PCDH9: variants seen among roughly 807,000 people sequenced by gnomAD.
PCDH9 encodes protocadherin-9.
Under a neutral mutation model 70.6 loss-of-function variants are expected in PCDH9, and 24 were observed. The ratio of observed to expected loss-of-function variants is 0.34; its 90% CI spans 0.25 to 0.48. PCDH9 has a LOEUF of 0.48. PCDH9 is among the 20% of genes least tolerant of loss of function. The pLI is 0.99. For missense variants in PCDH9, 1,281 were observed against 1,503.6 expected (o/e 0.85, Z 2.45); for synonymous variants, 562 against 558.5 (o/e 1.01, Z -0.09).
intron 3 of PCDH9, among the ~76,000 whole-genome samples, chr13:66,765,971 A>G (rs1439417098): frequency 6.6e-6 from 1 of 152,034 alleles, no homozygotes; most frequent in African/African-American, 2.4e-5. Flanking sequence ...TAAAAACATG[A>G]TATGTATTAT....
intron 2 of PCDH9, among the ~76,000 whole-genome samples, chr13:66,935,418 A>T (rs1253869212): frequency 1.3e-5 from 2 of 152,180 alleles, no homozygotes; most frequent in African/African-American, 2.4e-5. Flanking sequence ...GTTGGTACTG[A>T]GTTTAACGCA....
intron 4 of PCDH9, among the ~76,000 whole-genome samples, chr13:66,399,992 G>C (rs1957161050): frequency 6.6e-6 from 1 of 152,076 alleles, no homozygotes. Flanking sequence ...AGAAATCCAG[G>C]CTTCATGAAG....
intron 3 of PCDH9, among the ~76,000 whole-genome samples, chr13:66,887,229 T>C (rs1349424805): frequency 1.3e-5 from 2 of 152,086 alleles, no homozygotes; most frequent in East Asian, 3.9e-4. Flanking sequence ...AGTCTCCCAA[T>C]AAAGCTGAGC....
chr13:67,011,363 A>G (rs570119829), intron 2 of PCDH9, among the ~76,000 whole-genome samples: 3 of 151,928 alleles, frequency 2.0e-5, no homozygotes, highest in Non-Finnish European at 4.4e-5. Flanking sequence ...GCATTTTACC[A>G]ACTGCATATC....
intron 4 of PCDH9, among the ~76,000 whole-genome samples, chr13:66,537,413 T>C (rs1312483918): frequency 2.0e-5 from 3 of 152,052 alleles, no homozygotes; most frequent in Admixed American, 2.0e-4. Flanking sequence ...GTGAAAGAAA[T>C]AAGATCAGTT....
intron 4 of PCDH9, among the ~76,000 whole-genome samples, chr13:66,420,780 C>T (rs1235671019): frequency 2.0e-5 from 3 of 151,998 alleles, no homozygotes; most frequent in Non-Finnish European, 4.4e-5. Context: ...TCCTCTCCTC[C>T]AAAGGATCAC....
At chr13:66,987,228 C>T (rs1418631323) in intron 2 of PCDH9, among the ~76,000 whole-genome samples, 1 of 151,858 alleles carries the variant, frequency 6.6e-6, no homozygotes, top group Non-Finnish European at 1.5e-5. Flanking sequence ...TTTTGAGCTT[C>T]TTGGAAGCAT....
At chr13:66,917,953 G>A (rs1238445405) in intron 2 of PCDH9, among the ~76,000 whole-genome samples, 1 of 151,206 alleles carries the variant, frequency 6.6e-6, no homozygotes, top group Admixed American at 6.6e-5. Flanking sequence ...TATGTCTTAG[G>A]TGTCCAGAAA....
chr13:67,102,678 A>T (rs2086459237), intron 2 of PCDH9, among the ~76,000 whole-genome samples: 1 of 152,208 alleles, frequency 6.6e-6, no homozygotes, highest in Admixed American at 6.5e-5. Context: ...AAGTTTAAAT[A>T]ATCAGGAATG....
intron 2 of PCDH9, among the ~76,000 whole-genome samples, chr13:67,019,732 G>A (rs1372271787): frequency 6.6e-6 from 1 of 152,128 alleles, no homozygotes; most frequent in Non-Finnish European, 1.5e-5. Flanking sequence ...GGAAACTTCA[G>A]AGCTGACAGG....
At chr13:66,747,952 A>G (rs1479545041) in intron 3 of PCDH9, among the ~76,000 whole-genome samples, 1 of 152,174 alleles carries the variant, frequency 6.6e-6, no homozygotes, top group Non-Finnish European at 1.5e-5. Flanking sequence ...GAACTTTTCA[A>G]TGTAGTTCAG....
intron 3 of PCDH9, among the ~76,000 whole-genome samples, chr13:66,893,721 A>T (rs1316686025): frequency 1.3e-5 from 2 of 152,150 alleles, no homozygotes; most frequent in Non-Finnish European, 2.9e-5. Context: ...AACTGAAATA[A>T]TATTTAACTA....
At chr13:67,101,948 A>G (rs2086444100) in intron 2 of PCDH9, among the ~76,000 whole-genome samples, 2 of 152,102 alleles carry the variant, frequency 1.3e-5, no homozygotes, top group African/African-American at 4.8e-5. Context: ...AAATTTCTAA[A>G]TCTCCCCAGT....
chr13:66,588,505 T>C (rs1188881956), intron 4 of PCDH9, among the ~76,000 whole-genome samples: 1 of 151,784 alleles, frequency 6.6e-6, no homozygotes, highest in African/African-American at 2.4e-5. Context: ...TATATATATA[T>C]ATATGTATGT....
At chr13:67,207,352 A>ATTCC (rs2089375787) in intron 2 of PCDH9, 1 of 152,192 alleles carries the variant, frequency 6.6e-6, no homozygotes, top group African/African-American at 2.4e-5. Flanking sequence ...TTGGAACCGT[A>ATTCC]AACTATTCTC....
intron 2 of PCDH9, among the ~76,000 whole-genome samples, chr13:67,159,378 G>T (rs1275406551): frequency 6.6e-6 from 1 of 152,184 alleles, no homozygotes; most frequent in African/African-American, 2.4e-5. Flanking sequence ...TGCTGAATAT[G>T]TTGAGCAAAG....
At chr13:66,718,637 AGTG>A (rs2078901950) in intron 3 of PCDH9, among the ~76,000 whole-genome samples, 1 of 152,218 alleles carries the variant, frequency 6.6e-6, no homozygotes, top group Admixed American at 6.5e-5. Flanking sequence ...ATATCTAGAA[AGTG>A]TATGGTTAAG....
intron 2 of PCDH9, among the ~76,000 whole-genome samples, chr13:67,003,367 A>G (rs57847182): frequency 1.3e-5 from 2 of 151,970 alleles, no homozygotes; most frequent in Non-Finnish European, 2.9e-5. Context: ...TGACAACTTT[A>G]AGTAATGGTA....
At chr13:67,110,514 C>CA (rs67490405) in intron 2 of PCDH9, among the ~76,000 whole-genome samples, 29,624 of 78,282 alleles carry the variant, frequency 0.38, 5,440 homozygotes, top group Middle Eastern at 0.43. Context: ...CACTCCATCT[C>CA]AAAAAAAAAA....
Sources: allele counts gnomAD v4.1 joint callset (sites outside exome capture counted in the v4.1 genomes callset), GRCh38; gene constraint gnomAD v4.1.1; transcripts MANE v1.5; gene names NCBI Gene and HGNC (gene_info 2026-07-23, HGNC 2026-07-21).